The following TMC7 variants were observed in gnomAD, a reference collection of about 807,000 sequenced individuals.
TMC7 encodes the protein transmembrane channel-like protein 7.
In TMC7, 54 loss-of-function variants were observed where a neutral mutation model predicts 82.9. The ratio of observed to expected loss-of-function variants is 0.65; its 90% CI spans 0.52 to 0.82. TMC7 has a LOEUF of 0.82. TMC7 is among the 40% of genes least tolerant of loss of function. The pLI, the probability that TMC7 is intolerant of heterozygous loss-of-function variation, is 0.00. For missense variants in TMC7, 820 were observed against 901.2 expected (o/e 0.91, Z 1.15); for synonymous variants, 350 against 337.9 (o/e 1.04, Z -0.39).
chr16:18,986,071 A>G (rs534079161), intron 1 of TMC7, among the ~76,000 whole-genome samples: 1 of 151,270 alleles, frequency 6.6e-6, no homozygotes, highest in Non-Finnish European at 1.5e-5. Flanking sequence ...TCTAAATGAT[A>G]AAACAGATCA....
chr16:19,046,275 T>C (rs1266573065), intron 11 of TMC7, among the ~76,000 whole-genome samples: 1 of 152,196 alleles, frequency 6.6e-6, no homozygotes, highest in African/African-American at 2.4e-5. Context: ...ATTTAAGCTC[T>C]GTGCCTATTT....
At chr16:19,010,295 C>T (rs958320511) in intron 2 of TMC7, among the ~76,000 whole-genome samples, 1 of 151,926 alleles carries the variant, frequency 6.6e-6, no homozygotes. Flanking sequence ...GCTGGGATTA[C>T]AGGCATGTGC....
At chr16:19,010,820 C>T (rs528832948) in intron 2 of TMC7, among the ~76,000 whole-genome samples, 6 of 152,090 alleles carry the variant, frequency 3.9e-5, no homozygotes, top group Non-Finnish European at 8.8e-5. Context: ...TCTGGGGTGG[C>T]TTCAGCTGGG....
In TMC7 at chr16:19,045,021, C is replaced by T. The variant is rs1228078124; in HGVS notation, c.1455+20C>T. The T allele has an allele frequency of 5.7e-6, 9 of 1,574,088 alleles. No individual in the cohort carries two copies. Among genetic ancestry groups the T allele is most frequent in the African/African-American group, 1.3e-5 (1 of 74,228 alleles). On this transcript the variant is annotated intron_variant, in intron 10 of 15. Transcript: ENST00000304381. ...TACCCGGTGAGTTGCGGGGCGGGGG[C>T]GTTCGGCTGGGTGGGTCCTTCTGGA...
chr16:18,996,240 A>G (rs1291069892), intron 1 of TMC7, among the ~76,000 whole-genome samples: 1 of 152,072 alleles, frequency 6.6e-6, no homozygotes. Context: ...GAGTCTGTAG[A>G]AAAGAAGGAT....
intron 14 of TMC7, 119 bp downstream of exon 14, chr16:19,056,816 T>C: frequency 8.4e-7 from 1 of 1,183,550 alleles, no homozygotes; most frequent in Non-Finnish European, 1.2e-6. Flanking sequence ...TGAACTGCAC[T>C]TTCCCATCTC....
intron 1 of TMC7, among the ~76,000 whole-genome samples, chr16:18,991,312 T>A (rs916684017): frequency 1.8e-4 from 27 of 152,330 alleles, no homozygotes; most frequent in African/African-American, 6.3e-4. Context: ...ATTAAAGGAC[T>A]AAGAATTGGG....
chr16:19,005,891 T>C (rs2039231400), intron 1 of TMC7, among the ~76,000 whole-genome samples: 1 of 152,160 alleles, frequency 6.6e-6, no homozygotes, highest in Non-Finnish European at 1.5e-5. Flanking sequence ...GTGAGGCTCG[T>C]AGACTTGCAC....
chr16:19,029,296 T>C (rs1437040443), intron 5 of TMC7, among the ~76,000 whole-genome samples: 1 of 152,006 alleles, frequency 6.6e-6, no homozygotes, highest in African/African-American at 2.4e-5. Context: ...TGAGCCACCG[T>C]GCCCGGCACG....
intron 1 of TMC7, among the ~76,000 whole-genome samples, chr16:18,984,937 T>C (rs1231590737): frequency 6.6e-6 from 1 of 152,214 alleles, no homozygotes; most frequent in Non-Finnish European, 1.5e-5. Flanking sequence ...TGTTTTCTCT[T>C]TTTCAGTTTT....
intron 5 of TMC7, among the ~76,000 whole-genome samples, chr16:19,029,286 T>C (rs1442369062): frequency 1.3e-5 from 2 of 152,220 alleles, no homozygotes; most frequent in Admixed American, 1.3e-4. Flanking sequence ...ATTACAGGCA[T>C]GAGCCACCGT....
chr16:19,019,607 T>G (rs779534464), intron 3 of TMC7, among the ~76,000 whole-genome samples: 47 of 152,168 alleles, frequency 3.1e-4, no homozygotes, highest in Non-Finnish European at 3.8e-4. Context: ...CCAGGTTCAC[T>G]CAGACAGGGT....
intron 1 of TMC7, among the ~76,000 whole-genome samples, chr16:18,989,986 G>A (rs927698270): frequency 2.0e-5 from 3 of 152,050 alleles, no homozygotes; most frequent in Admixed American, 6.6e-5. Flanking sequence ...TCCGAAAAGA[G>A]AGTCAGCAAA....
chr16:19,055,503 G>A (rs1041006401), intron 13 of TMC7, among the ~76,000 whole-genome samples: 5 of 152,036 alleles, frequency 3.3e-5, no homozygotes, highest in Non-Finnish European at 7.4e-5. Flanking sequence ...GATTGCAGGC[G>A]CCCACCACCA....
At chr16:19,029,161 A>G (rs1960383179) in intron 5 of TMC7, among the ~76,000 whole-genome samples, 1 of 150,562 alleles carries the variant, frequency 6.6e-6, no homozygotes, top group East Asian at 2.0e-4. Context: ...GCCCGCCACC[A>G]CACCCGGCTA....
intron 6 of TMC7, among the ~76,000 whole-genome samples, chr16:19,032,545 G>T (rs1377314118): frequency 8.1e-6 from 1 of 123,040 alleles, no homozygotes; most frequent in East Asian, 2.2e-4. Flanking sequence ...TTTTGTAAAT[G>T]ATAAAAAAAA....
At chr16:19,038,563 C>A (rs1960864404) in intron 8 of TMC7, among the ~76,000 whole-genome samples, 1 of 151,760 alleles carries the variant, frequency 6.6e-6, no homozygotes, top group Admixed American at 6.6e-5. Context: ...GTCGCTCAGG[C>A]TGAAGTGTGG....
intron 3 of TMC7, 55 bp from the exon 4 acceptor site, chr16:19,021,574 G>A (rs1959976320): frequency 6.3e-7 from 1 of 1,583,110 alleles, no homozygotes; most frequent in South Asian, 1.1e-5. Flanking sequence ...TTGAATCTAT[G>A]ATGTGTAGTG....
rs746708114 is a variant in TMC7, at chr16:19,038,002, T to G, written c.1134T>G (p.Tyr378Ter). Residue 378 changes from tyrosine (Y) to a stop codon, truncating the protein, a stop_gained, in exon 8 of 16, where the codon TAT (tyrosine) becomes TAG (stop). Coordinates refer to ENST00000304381, the MANE Select transcript of TMC7 (RefSeq NM_024847.4). LOFTEE classifies it high-confidence loss of function. ...IVLAVLGACF[Y>*]AIYVATVFSQ... ...TGGCTGTTTTAGGGGCATGCTTTTA[T>G]GCAATATACGTAGCAACTGTCTTCT... 2 of 1,614,146 alleles carry G rather than the reference T, an allele frequency of 1.2e-6. No homozygotes were observed. Among genetic ancestry groups the G allele is most frequent in the East Asian group, 2.2e-5 (1 of 44,880 alleles).
Sources: allele counts gnomAD v4.1 joint callset (sites outside exome capture counted in the v4.1 genomes callset), GRCh38; gene constraint gnomAD v4.1.1; transcripts MANE v1.5; gene names NCBI Gene and HGNC (gene_info 2026-07-23, HGNC 2026-07-21).